The following PACRGL variants were observed in gnomAD, a reference collection of about 807,000 sequenced individuals.
PACRGL encodes PACRG-like protein.
Under a neutral mutation model 34.5 loss-of-function variants are expected in PACRGL, and 38 were observed. That is an observed-to-expected ratio of 1.10 (90% CI 0.85 to 1.44). The LOEUF is 1.44. Among genes scored for constraint, PACRGL ranks in the 40% most tolerant of loss-of-function variants. PACRGL has a pLI of 0.00. For synonymous variants in PACRGL, 128 were observed against 100.1 expected (o/e 1.28, Z -1.66); for missense variants, 305 against 281.4 (o/e 1.08, Z -0.60).
chr4:20,704,320 A>T, intron 1 of PACRGL, 146 bp from the exon 2 acceptor site: 3 of 628,844 alleles, frequency 4.8e-6, no homozygotes, highest in Non-Finnish European at 8.3e-6. Context: ...TTTTCTCATT[A>T]GTCTTTTCCA....
rs1183427982 is a variant in PACRGL, at chr4:20,732,258, T to TGG, written c.*4917_*4918insGG. Among the ~76,000 whole-genome samples, 3 of 152,208 alleles carry TGG rather than the reference T, an allele frequency of 2.0e-5. No individual in the cohort carries two copies. The highest frequency in any genetic ancestry group is 1.3e-4 in the Admixed American group (2 of 15,278). ...GATAGGGCCAAATGCTTCTGGCTTTTCCCTTTTCAATATAATGTGGTGAAG... is the reference window on the plus strand; with the variant it reads ...GATAGGGCCAAATGCTTCTGGCTTTTGGCCCTTTTCAATATAATGTGGTGAAG... On this transcript the variant is annotated 3_prime_UTR_variant, in exon 9 of 9. Coordinates refer to ENST00000503585, the MANE Select transcript of PACRGL (RefSeq NM_001258345.3).
rs1441227049 is a variant in PACRGL at position 20,700,696 on chromosome 4, C to A, written c.-108C>A. On this transcript the variant is annotated 5_prime_UTR_variant, in exon 1 of 9. Transcript: ENST00000503585. ...GGCCGCTGGACCCCGTTGCTAAGGA[C>A]CCTTGAGATCGTGAGCGCTTGGAGT... is the stretch of plus-strand genomic sequence containing the variant. The A allele has an allele frequency of 6.6e-6, 1 of 152,152 alleles. No individual in the cohort carries two copies. The highest frequency in any genetic ancestry group is 1.5e-5 in the Non-Finnish European group (1 of 68,072). The allele number at this position is 152,152 out of a possible 1,614,324, so 9.4% of individuals were successfully genotyped here.
intron 8 of PACRGL, among the ~76,000 whole-genome samples, chr4:20,725,098 G>A (rs1745061836): frequency 6.6e-6 from 1 of 152,088 alleles, no homozygotes; most frequent in Admixed American, 6.6e-5. Context: ...GACTCAGGTT[G>A]AATAAATATA....
At chr4:20,747,536 A>G (rs546368160) in intron 8 of PACRGL, among the ~76,000 whole-genome samples, 110 of 152,282 alleles carry the variant, frequency 7.2e-4, no homozygotes, top group Non-Finnish European at 1.0e-3. Flanking sequence ...TACCCAGGAT[A>G]GTCTTCCCCC....
intron 8 of PACRGL, among the ~76,000 whole-genome samples, chr4:20,748,677 A>G (rs1381534474): frequency 6.7e-6 from 1 of 148,410 alleles, no homozygotes; most frequent in East Asian, 2.0e-4. Context: ...GTATAATGCT[A>G]CTTCTGAGAC....
chr4:20,733,473 A>G (rs1748842011), downstream of PACRGL, among the ~76,000 whole-genome samples: 1 of 152,132 alleles, frequency 6.6e-6, no homozygotes, highest in South Asian at 2.1e-4. Flanking sequence ...AAGATCTCTC[A>G]ATTAGGTTAA....
the PACRGL span, among the ~76,000 whole-genome samples, chr4:20,761,787 G>A: frequency 9.9e-5 from 15 of 152,128 alleles, no homozygotes; most frequent in Non-Finnish European, 1.5e-4. Context: ...TCACATATCT[G>A]TGTCAGAGGA....
intron 7 of PACRGL, among the ~76,000 whole-genome samples, chr4:20,720,034 T>G (rs1330585139): frequency 1.3e-5 from 2 of 152,208 alleles, no homozygotes; most frequent in African/African-American, 4.8e-5. Flanking sequence ...TGCATATATA[T>G]TTAGGATAGT....
chr4:20,759,426 G>C, the PACRGL span, among the ~76,000 whole-genome samples: 1 of 152,262 alleles, frequency 6.6e-6, no homozygotes, highest in African/African-American at 2.4e-5. Flanking sequence ...GTGACCTTGG[G>C]TGAGATAGAA....
downstream of PACRGL, chr4:20,732,903 T>A: frequency 1.6e-6 from 1 of 634,374 alleles, no homozygotes; most frequent in Non-Finnish European, 2.7e-6. Flanking sequence ...TTTGTTGGAT[T>A]CTTTGTTAGA....
At position 20,724,887 on chromosome 4, in the gene PACRGL, G is replaced by C; in HGVS notation, c.689G>C (p.Ser230Thr). ...CAAAAGCTAGAGCAACATGGTGGAA[G>C]TGTAAGTAGAATATTATTCCTTAAG... ...ALQKLEQHGG[S>T]GSLSIIKSKI... The change falls in exon 8 of 9, where the codon AGT (serine) becomes ACT (threonine). Residue 230 changes from serine (S) to threonine (T), a missense_variant and splice_region_variant. Coordinates refer to ENST00000503585, the MANE Select transcript of PACRGL (RefSeq NM_001258345.3). 1.4e-6 allele frequency: 2 copies of C among 1,462,396 alleles called. No individual in the cohort carries two copies. The highest frequency in any genetic ancestry group is 1.8e-6 in the Non-Finnish European group (2 of 1,113,004). 90.6% of individuals were successfully genotyped at this position (1,462,396 alleles called of 1,614,324 possible).
intron 8 of PACRGL, among the ~76,000 whole-genome samples, chr4:20,739,730 A>G (rs1750595025): frequency 1.3e-5 from 2 of 152,114 alleles, no homozygotes; most frequent in African/African-American, 4.8e-5. Flanking sequence ...ACAAAGCTGG[A>G]TGGAGAATGA....
chr4:20,748,492 T>A (rs936330122), intron 8 of PACRGL, among the ~76,000 whole-genome samples: 1 of 148,438 alleles, frequency 6.7e-6, no homozygotes, highest in Non-Finnish European at 1.5e-5. Context: ...AGAGCTCTCA[T>A]CAAAATTTCT....
At chr4:20,715,157 G>C (rs1455542484) in intron 7 of PACRGL, among the ~76,000 whole-genome samples, 1 of 152,120 alleles carries the variant, frequency 6.6e-6, no homozygotes, top group Non-Finnish European at 1.5e-5. Context: ...ATCATTCTCA[G>C]TAAACTGTCA....
chr4:20,699,370 G>A (rs919103808), upstream of PACRGL, among the ~76,000 whole-genome samples: 1 of 152,118 alleles, frequency 6.6e-6, no homozygotes, highest in East Asian at 1.9e-4. Context: ...TTAAAACTTA[G>A]ATTTGTATGC....
chr4:20,740,715 C>T (rs1433675256), intron 8 of PACRGL, among the ~76,000 whole-genome samples: 1 of 152,168 alleles, frequency 6.6e-6, no homozygotes, highest in Admixed American at 6.5e-5. Context: ...ATCAAATTCA[C>T]ACATAACAAT....
chr4:20,766,056 A>C, the PACRGL span, among the ~76,000 whole-genome samples: 1 of 152,176 alleles, frequency 6.6e-6, no homozygotes, highest in Non-Finnish European at 1.5e-5. Flanking sequence ...GACAATGATG[A>C]TACTGATGAT....
downstream of PACRGL, among the ~76,000 whole-genome samples, chr4:20,733,814 T>C (rs745920786): frequency 6.6e-6 from 1 of 152,200 alleles, no homozygotes; most frequent in Non-Finnish European, 1.5e-5. Flanking sequence ...TGGCCCCAGG[T>C]GTCCTCTGTG....
the PACRGL span, among the ~76,000 whole-genome samples, chr4:20,765,283 T>A: frequency 6.6e-6 from 1 of 152,134 alleles, no homozygotes; most frequent in Non-Finnish European, 1.5e-5. Context: ...TTTTCTTCTA[T>A]TAGGACTGAA....
Sources: allele counts gnomAD v4.1 joint callset (sites outside exome capture counted in the v4.1 genomes callset), GRCh38; gene constraint gnomAD v4.1.1; transcripts MANE v1.5; gene names NCBI Gene and HGNC (gene_info 2026-07-23, HGNC 2026-07-21).